The following KLRG1 variants were observed in gnomAD, a reference collection of about 807,000 sequenced individuals.
The protein encoded by KLRG1 is killer cell lectin-like receptor subfamily G member 1.
Under a neutral mutation model 21.8 loss-of-function variants are expected in KLRG1, and 16 were observed. The ratio of observed to expected loss-of-function variants is 0.73; its 90% CI spans 0.50 to 1.11. The LOEUF (loss-of-function observed/expected upper bound fraction) is 1.11, where lower values mean the gene tolerates loss of function less well. Among genes scored for constraint, KLRG1 ranks in the 50% most tolerant of loss-of-function variants. The probability of loss-of-function intolerance (pLI) is 0.00; values close to 1 mark genes in which losing one functional copy is unlikely to be tolerated. For missense variants in KLRG1, 173 were observed against 218.3 expected (o/e 0.79, Z 1.31); for synonymous variants, 69 against 75.9 (o/e 0.91, Z 0.47).
the KLRG1 span, among the ~76,000 whole-genome samples, chr12:9,214,089 T>A: frequency 5.9e-5 from 9 of 152,042 alleles, no homozygotes; most frequent in South Asian, 1.9e-3. Flanking sequence ...GAAAATATTA[T>A]CCTTTCCCCA....
chr12:9,153,593 G>A, the KLRG1 span, among the ~76,000 whole-genome samples: 4 of 152,126 alleles, frequency 2.6e-5, no homozygotes, highest in African/African-American at 9.7e-5. Flanking sequence ...CAGTCCTTTT[G>A]GATATGTCCT....
chr12:8,996,479 T>G (rs1300148677), intron 3 of KLRG1: 2 of 152,210 alleles, frequency 1.3e-5, no homozygotes, highest in African/African-American at 2.4e-5. Context: ...TATTGAGAAT[T>G]AAACTATATT....
chr12:9,019,656 A>G, the KLRG1 span, among the ~76,000 whole-genome samples: 1 of 152,182 alleles, frequency 6.6e-6, no homozygotes. Flanking sequence ...TCTCTTATAT[A>G]TCCGTACTCC....
the KLRG1 span, chr12:9,202,409 A>G: frequency 1.2e-6 from 2 of 1,613,948 alleles, no homozygotes; most frequent in Admixed American, 3.3e-5. Flanking sequence ...CAGACATGAT[A>G]AAGCAGGTAA....
the KLRG1 span, chr12:9,158,342 G>T: frequency 3.9e-6 from 6 of 1,544,690 alleles, no homozygotes; most frequent in Admixed American, 1.1e-4. Flanking sequence ...CAATTTCCTT[G>T]TGCCTCCTTC....
At chr12:9,122,365 TG>T in the KLRG1 span, among the ~76,000 whole-genome samples, 1 of 152,228 alleles carries the variant, frequency 6.6e-6, no homozygotes, top group African/African-American at 2.4e-5. Flanking sequence ...ATGTTCGCTG[TG>T]GAACTTTCCA....
At chr12:9,198,478 A>G in the KLRG1 span, among the ~76,000 whole-genome samples, 1 of 152,214 alleles carries the variant, frequency 6.6e-6, no homozygotes, top group Admixed American at 6.5e-5. Context: ...AAATAAGTAC[A>G]TAATAACTAA....
the KLRG1 span, among the ~76,000 whole-genome samples, chr12:9,048,136 A>G: frequency 6.6e-6 from 1 of 152,216 alleles, no homozygotes; most frequent in Non-Finnish European, 1.5e-5. Context: ...ACACAACTTA[A>G]TAAACTTAAA....
the KLRG1 span, among the ~76,000 whole-genome samples, chr12:9,120,192 T>C: frequency 6.6e-6 from 1 of 152,232 alleles, no homozygotes; most frequent in Non-Finnish European, 1.5e-5. Flanking sequence ...GGTTTCGCTA[T>C]AGGAACAGCA....
At chr12:9,159,448 T>C in the KLRG1 span, among the ~76,000 whole-genome samples, 1 of 152,036 alleles carries the variant, frequency 6.6e-6, no homozygotes, top group Non-Finnish European at 1.5e-5. Flanking sequence ...CCAAAACTCA[T>C]GTTAAAACTT....
chr12:9,051,303 A>T, the KLRG1 span, among the ~76,000 whole-genome samples: 4 of 152,110 alleles, frequency 2.6e-5, no homozygotes, highest in Non-Finnish European at 5.9e-5. Context: ...TCTTTCCAAG[A>T]GGCCAGCTGC....
the KLRG1 span, among the ~76,000 whole-genome samples, chr12:9,166,439 G>A: frequency 3.3e-5 from 5 of 152,174 alleles, no homozygotes; most frequent in Non-Finnish European, 7.3e-5. Context: ...GATGTGAATG[G>A]AAGCTGGAAA....
the KLRG1 span, among the ~76,000 whole-genome samples, chr12:9,193,030 C>G: frequency 6.6e-6 from 1 of 152,150 alleles, no homozygotes; most frequent in Non-Finnish European, 1.5e-5. Flanking sequence ...ATAAATAACT[C>G]AAACAAGTGG....
At chr12:9,077,677 A>G in the KLRG1 span, 1 of 1,611,000 alleles carries the variant, frequency 6.2e-7, no homozygotes, top group African/African-American at 1.3e-5. Flanking sequence ...TGGACAAATC[A>G]AAACTAGCTC....
chr12:8,998,657 C>A (rs1947211640), intron 3 of KLRG1, among the ~76,000 whole-genome samples: 2 of 150,578 alleles, frequency 1.3e-5, no homozygotes, highest in South Asian at 4.2e-4. Flanking sequence ...CCACTGCACT[C>A]CAGCCTGGGC....
intron 3 of KLRG1, among the ~76,000 whole-genome samples, chr12:9,000,042 C>CA (rs1277839949): frequency 3.3e-5 from 5 of 151,974 alleles, no homozygotes; most frequent in South Asian, 4.2e-4. Flanking sequence ...CTCAAAAACA[C>CA]AAAAAACTCA....
the KLRG1 span, chr12:9,203,711 A>G: frequency 2.6e-6 from 4 of 1,563,924 alleles, no homozygotes; most frequent in African/African-American, 1.4e-5. Context: ...ACCATGACCT[A>G]TAGAGCTCAA....
chr12:9,051,065 G>A, the KLRG1 span, among the ~76,000 whole-genome samples: 1 of 152,322 alleles, frequency 6.6e-6, no homozygotes, highest in East Asian at 1.9e-4. Context: ...CTGGAGTGGG[G>A]ACTTGTAGTG....
chr12:8,951,935 G>A (rs191470612), intron 1 of KLRG1, among the ~76,000 whole-genome samples: 3 of 152,104 alleles, frequency 2.0e-5, no homozygotes, highest in Non-Finnish European at 2.9e-5. Flanking sequence ...TTCCCTTTCC[G>A]ACCAGAGGCA....
Sources: allele counts gnomAD v4.1 joint callset (sites outside exome capture counted in the v4.1 genomes callset), GRCh38; gene constraint gnomAD v4.1.1; transcripts MANE v1.5; gene names NCBI Gene and HGNC (gene_info 2026-07-23, HGNC 2026-07-21).